SLC30A8: variants seen among roughly 807,000 people sequenced by gnomAD.
SLC30A8 encodes proton-coupled zinc antiporter SLC30A8.
SLC30A8 carries 27 observed loss-of-function variants against 36.9 expected under a neutral mutation model. The observed-to-expected ratio is 0.73, with a 90% CI of 0.54 to 1.01. The LOEUF (loss-of-function observed/expected upper bound fraction) is 1.01, where lower values mean the gene tolerates loss of function less well. SLC30A8 is among the 50% of genes least tolerant of loss of function. SLC30A8 has a pLI of 0.00. For missense variants in SLC30A8, 439 were observed against 452.0 expected (o/e 0.97, Z 0.26); for synonymous variants, 164 against 172.4 (o/e 0.95, Z 0.38).
At chr8:117,139,347 C>T (rs964844206) in intron 1 of SLC30A8, among the ~76,000 whole-genome samples, 15 of 152,130 alleles carry the variant, frequency 9.9e-5, no homozygotes, top group African/African-American at 3.4e-4. Context: ...CCAGATAGCT[C>T]ACTCTCTCTC....
intron 1 of SLC30A8, among the ~76,000 whole-genome samples, chr8:116,996,946 G>A (rs1815840447): frequency 6.6e-6 from 1 of 151,758 alleles, no homozygotes; most frequent in Non-Finnish European, 1.5e-5. Context: ...TTTAAACATA[G>A]AGACTTGGAG....
At chr8:117,161,051 A>G (rs961698658) in intron 4 of SLC30A8, among the ~76,000 whole-genome samples, 3 of 152,136 alleles carry the variant, frequency 2.0e-5, no homozygotes, top group Non-Finnish European at 4.4e-5. Flanking sequence ...AGTGTTTGCT[A>G]CTGATCACTT....
chr8:117,156,473 G>A (rs963331974), intron 3 of SLC30A8, among the ~76,000 whole-genome samples: 1 of 152,174 alleles, frequency 6.6e-6, no homozygotes, highest in Non-Finnish European at 1.5e-5. Context: ...AATAGGTTAA[G>A]TGACTTGTCT....
At chr8:117,107,345 T>G (rs1313697593) in intron 2 of SLC30A8, among the ~76,000 whole-genome samples, 2 of 152,172 alleles carry the variant, frequency 1.3e-5, no homozygotes, top group Non-Finnish European at 2.9e-5. Flanking sequence ...TTAAAAATAA[T>G]GGCAATCAGT....
chr8:117,075,961 C>T (rs562019165), intron 2 of SLC30A8, among the ~76,000 whole-genome samples: 11 of 152,272 alleles, frequency 7.2e-5, no homozygotes, highest in Admixed American at 2.0e-4. Context: ...TTTGTGTCTC[C>T]GTGTACCTTT....
chr8:117,043,827 T>G (rs1296246846), intron 2 of SLC30A8, among the ~76,000 whole-genome samples: 1 of 152,242 alleles, frequency 6.6e-6, no homozygotes, highest in Non-Finnish European at 1.5e-5. Flanking sequence ...GAATTCATAG[T>G]TACATTATAT....
At chr8:116,985,762 A>G (rs1365868596) in intron 1 of SLC30A8, among the ~76,000 whole-genome samples, 1 of 152,092 alleles carries the variant, frequency 6.6e-6, no homozygotes, top group Non-Finnish European at 1.5e-5. Flanking sequence ...GAAATTACCT[A>G]ATTTTTTATT....
chr8:117,025,138 G>A (rs1022587145), intron 1 of SLC30A8, among the ~76,000 whole-genome samples: 7 of 152,082 alleles, frequency 4.6e-5, no homozygotes, highest in East Asian at 1.9e-4. Context: ...TTTGAAATTC[G>A]GAGAGTTTAA....
intron 2 of SLC30A8, among the ~76,000 whole-genome samples, chr8:117,077,290 G>A (rs147747323): frequency 6.6e-6 from 1 of 152,200 alleles, no homozygotes; most frequent in African/African-American, 2.4e-5. Context: ...GCCTTAGATG[G>A]AAATTTCAAT....
intron 1 of SLC30A8, among the ~76,000 whole-genome samples, chr8:117,024,961 T>G (rs932680554): frequency 6.6e-6 from 1 of 152,154 alleles, no homozygotes; most frequent in Non-Finnish European, 1.5e-5. Context: ...TACTCTCTCT[T>G]TCCCCATCCC....
intron 1 of SLC30A8, among the ~76,000 whole-genome samples, chr8:117,036,074 C>T (rs994504048): frequency 2.6e-5 from 4 of 151,966 alleles, no homozygotes; most frequent in Non-Finnish European, 4.4e-5. Flanking sequence ...TTTGGCTCCT[C>T]TTTACTTACG....
At chr8:117,093,755 T>C (rs536584914) in intron 2 of SLC30A8, among the ~76,000 whole-genome samples, 1 of 152,188 alleles carries the variant, frequency 6.6e-6, no homozygotes, top group East Asian at 1.9e-4. Flanking sequence ...TTTGCCTGAG[T>C]TTTGCTTGGG....
chr8:117,134,006 A>G (rs1280891126), upstream of SLC30A8, among the ~76,000 whole-genome samples: 1 of 151,966 alleles, frequency 6.6e-6, no homozygotes, highest in Non-Finnish European at 1.5e-5. Flanking sequence ...TAAGAGGTAC[A>G]GCTACACCAC....
chr8:117,136,312 T>C (rs1160217686), intron 1 of SLC30A8, among the ~76,000 whole-genome samples: 1 of 152,000 alleles, frequency 6.6e-6, no homozygotes, highest in African/African-American at 2.4e-5. Flanking sequence ...GAGCTTGGTT[T>C]GTTTGAGGAG....
At chr8:117,071,282 G>C (rs1818324151) in intron 2 of SLC30A8, among the ~76,000 whole-genome samples, 1 of 151,968 alleles carries the variant, frequency 6.6e-6, no homozygotes, top group South Asian at 2.1e-4. Context: ...CTTTTAATTT[G>C]CAGTCTCCTA....
intron 1 of SLC30A8, among the ~76,000 whole-genome samples, chr8:116,958,677 G>T (rs1374213597): frequency 4.6e-5 from 7 of 151,832 alleles, no homozygotes; most frequent in Admixed American, 6.6e-5. Context: ...CTTGGGTATT[G>T]TGAATTTTTG....
intron 2 of SLC30A8, among the ~76,000 whole-genome samples, chr8:117,043,508 T>A (rs1384198140): frequency 6.6e-6 from 1 of 152,208 alleles, no homozygotes; most frequent in Non-Finnish European, 1.5e-5. Flanking sequence ...ATACTCCTGG[T>A]TGGGGAGATA....
At chr8:117,062,473 C>T (rs1018195401) in intron 2 of SLC30A8, among the ~76,000 whole-genome samples, 6 of 152,152 alleles carry the variant, frequency 3.9e-5, no homozygotes, top group African/African-American at 9.7e-5. Context: ...GTTTTTTAAA[C>T]GATCAGATCT....
At chr8:117,116,118 C>T (rs1243627698) in intron 2 of SLC30A8, among the ~76,000 whole-genome samples, 1 of 151,892 alleles carries the variant, frequency 6.6e-6, no homozygotes, top group East Asian at 1.9e-4. Context: ...ACAATAGGAC[C>T]AGTGTGGTTG....
Sources: gnomAD v4.1 joint callset for allele counts (sites outside exome capture counted in the v4.1 genomes callset) on GRCh38, gnomAD v4.1.1 for gene constraint, MANE v1.5 for transcripts, NCBI Gene and HGNC (gene_info 2026-07-23, HGNC 2026-07-21) for gene names.